The following FRS2 variants were observed in gnomAD, a reference collection of about 807,000 sequenced individuals.
FRS2 encodes the protein fibroblast growth factor receptor substrate 2.
A neutral mutation model predicts 43.9 loss-of-function variants in FRS2; 8 were observed. The observed-to-expected ratio is 0.18, with a 90% confidence interval of 0.11 to 0.33. The LOEUF is 0.33. FRS2 is among the 10% of genes least tolerant of loss of function. The probability of loss-of-function intolerance (pLI) is 1.00; values close to 1 mark genes in which losing one functional copy is unlikely to be tolerated. For missense variants in FRS2, 534 were observed against 627.6 expected (o/e 0.85, Z 1.59); for synonymous variants, 219 against 220.3 (o/e 0.99, Z 0.05).
chr12:69,574,529 TGAA>T lies in FRS2; in HGVS notation c.1104_1106del (p.Glu368del). On this transcript the variant is annotated inframe_deletion, in exon 9 of 9. Coordinates refer to ENST00000549921, the MANE Select transcript of FRS2 (RefSeq NM_001278356.2). Reference sequence around the variant, plus strand: ...GGGAAGCCCGCAAGCTAAGTAGGGATGAAGATGACAATTTAGGACCAAAGACCC... The same window carrying T: ...GGGAAGCCCGCAAGCTAAGTAGGGATGATGACAATTTAGGACCAAAGACCC... The T allele has an allele frequency of 6.2e-7, 1 of 1,614,134 alleles. No individual in the cohort carries two copies. The highest frequency in any genetic ancestry group is 1.3e-5 in the African/African-American group (1 of 75,024).
Position 69,574,695 on chromosome 12 carries a change from G to A in FRS2, c.1267G>A (p.Asp423Asn). ...RDCTPTVFNF[D>N]IRRPSLEHRQ... ...CTGTACACCAACAGTCTTTAACTTT[G>A]ATATCAGACGCCCAAGTTTAGAACA... Residue 423 changes from aspartate to asparagine, a missense_variant, in exon 9 of 9, where the codon GAT (aspartate) becomes AAT (asparagine). Asp to Asn is a conservative substitution (Grantham distance 23). Transcript: ENST00000549921. 6.2e-7 allele frequency: 1 copy of A among 1,614,166 alleles called. No homozygotes were observed. The highest frequency in any genetic ancestry group is 8.5e-7 in the Non-Finnish European group (1 of 1,180,022).
Position 69,577,700 on chromosome 12 carries a change from T to C in FRS2, c.*2745T>C, listed in dbSNP as rs1346820626. ...TTGTGTTTTTTCTTAGTGTGTTTTA[T>C]TTCCCAGTTTCATCTTCTTCTAAAA... is the stretch of plus-strand genomic sequence containing the variant. On this transcript the variant is annotated 3_prime_UTR_variant, in exon 9 of 9. Transcript: ENST00000549921. 6.6e-6 allele frequency: 1 copy of C among 152,640 alleles called. No homozygotes were observed. The highest frequency in any genetic ancestry group is 2.4e-5 in the African/African-American group (1 of 41,468). The allele number at this position is 152,640 out of a possible 1,614,324, so 9.5% of individuals were successfully genotyped here. A position where few individuals can be genotyped will look rare whatever the true frequency, so the allele number is the denominator to read the frequency against.
Position 69,547,830 on chromosome 12 carries a change from C to CTTTTT in FRS2, c.-121-14328_-121-14324dup, listed in dbSNP as rs71094722. Among the ~76,000 whole-genome samples the CTTTTT allele has an allele frequency of 1.4e-3, 139 of 102,744 alleles. 11 individuals carry two copies. Among genetic ancestry groups the CTTTTT allele is most frequent in the African/African-American group, 4.3e-3 (120 of 27,832 alleles). 67.4% of individuals were successfully genotyped at this position (102,744 alleles called of 152,430 possible). A position where few individuals can be genotyped will look rare whatever the true frequency, so the allele number is the denominator to read the frequency against. On this transcript the variant is annotated intron_variant, in intron 3 of 8. Transcript: ENST00000549921. ...TTTTAGAAAAATGTATCCATTAATA[C>CTTTTT]TTTTTTTTTTTTTTTTTTTTTTTTT...
intron 1 of FRS2, among the ~76,000 whole-genome samples, chr12:69,529,508 C>T (rs1876580844): frequency 6.6e-6 from 1 of 151,984 alleles, no homozygotes; most frequent in African/African-American, 2.4e-5. Flanking sequence ...CCTGTAATCC[C>T]AGCTACTCGG....
chr12:69,565,755 C>T (rs1237899993), intron 4 of FRS2, among the ~76,000 whole-genome samples: 1 of 152,068 alleles, frequency 6.6e-6, no homozygotes, highest in Non-Finnish European at 1.5e-5. Flanking sequence ...GAGCTGTCAT[C>T]TAGGAAAACT....
In FRS2 at chr12:69,506,681, A is replaced by G. The variant is rs933239816; in HGVS notation, c.-260-24184A>G. On this transcript the variant is annotated intron_variant, in intron 1 of 8. Transcript: ENST00000549921. ...TATCTTCCCCTTCTCTAAATTTACA[A>G]TTTCGTAGTTTACTTCTTAGTCATT... Among the ~76,000 whole-genome samples, 7 of 151,826 alleles carry G rather than the reference A, an allele frequency of 4.6e-5. No homozygotes were observed. The East Asian group carries it at 5.8e-4, about 13-fold the overall frequency.
At chr12:69,485,134 C>CACACACACACACACACAA in intron 1 of FRS2, among the ~76,000 whole-genome samples, 1 of 134,350 alleles carries the variant, frequency 7.4e-6, no homozygotes, top group South Asian at 2.6e-4. Flanking sequence ...CACACACACA[C>CACACACACACACACACAA]ACTCTCACCC....
chr12:69,539,857 A>G (rs999411929), intron 3 of FRS2, among the ~76,000 whole-genome samples: 3 of 152,180 alleles, frequency 2.0e-5, no homozygotes, highest in African/African-American at 7.2e-5. Context: ...CGGGAGGCTC[A>G]GGGAGGAGAA....
intron 1 of FRS2, among the ~76,000 whole-genome samples, chr12:69,493,331 G>A (rs954080946): frequency 6.6e-6 from 1 of 152,194 alleles, no homozygotes; most frequent in Non-Finnish European, 1.5e-5. Context: ...GTGGATGTCA[G>A]GGATTTGATA....
At chr12:69,530,069 A>G (rs1240824153) in intron 1 of FRS2, among the ~76,000 whole-genome samples, 1 of 152,094 alleles carries the variant, frequency 6.6e-6, no homozygotes, top group Admixed American at 6.6e-5. Flanking sequence ...AAAAAAAAAC[A>G]AAAACCAGTA....
At chr12:69,525,174 A>G (rs1203918987) in intron 1 of FRS2, among the ~76,000 whole-genome samples, 6 of 142,356 alleles carry the variant, frequency 4.2e-5, no homozygotes, top group African/African-American at 8.1e-5. Flanking sequence ...TCAAATCACA[A>G]TGTTAAGATG....
chr12:69,545,686 A>G (rs1372015697), intron 3 of FRS2, among the ~76,000 whole-genome samples: 2 of 140,792 alleles, frequency 1.4e-5, no homozygotes, highest in African/African-American at 5.1e-5. Flanking sequence ...AACCCAGGAG[A>G]TGGAGGTTGC....
At chr12:69,568,196 A>G (rs1880453068) in intron 4 of FRS2, among the ~76,000 whole-genome samples, 1 of 152,156 alleles carries the variant, frequency 6.6e-6, no homozygotes, top group Admixed American at 6.5e-5. Flanking sequence ...ATGCTATATC[A>G]GTTTTGCCAG....
rs771534631 is a variant in FRS2 at position 69,572,258 on chromosome 12, C to A, written c.553C>A (p.Pro185Thr). ...TTCAGTAGGGGAAGAATCTACACAT[C>A]CTTTGCTTGTGGCTGAGGAACAAGT... ...LPSVGEESTH[P>T]LLVAEEQVHT... Residue 185 changes from proline to threonine, a missense_variant, in exon 8 of 9, where the codon CCT (proline) becomes ACT (threonine). Pro to Thr is a conservative substitution (Grantham distance 38). Around this residue, in one of 3 missense-constraint regions of FRS2, gnomAD observed 446 missense variants for 494.2 expected, o/e 0.90. Transcript: ENST00000549921. 1 of 1,613,732 alleles carries A rather than the reference C, an allele frequency of 6.2e-7. No homozygotes were observed. Among genetic ancestry groups the A allele is most frequent in the South Asian group, 1.1e-5 (1 of 91,060 alleles).
intron 1 of FRS2, among the ~76,000 whole-genome samples, chr12:69,530,307 G>A (rs191079700): frequency 1.2e-4 from 18 of 150,576 alleles, no homozygotes; most frequent in East Asian, 5.8e-4. Context: ...ATGGCACTCC[G>A]GAGTTGCAAG....
At position 69,520,248 on chromosome 12, in the gene FRS2, TG is replaced by T. The variant is rs201421766; in HGVS notation, c.-260-10613del. Among the ~76,000 whole-genome samples the T allele has an allele frequency of 6.7e-3, 1,027 of 152,294 alleles. 7 individuals are homozygous for T. The highest frequency in any genetic ancestry group is 0.024 in the African/African-American group (987 of 41,562). On this transcript the variant is annotated intron_variant, in intron 1 of 8. Coordinates refer to ENST00000549921, the MANE Select transcript of FRS2 (RefSeq NM_001278356.2). ...TACGTGTCCTTTGCCCACTTTTTAATGGGGTTGCTTTTCTCTTGAAAATATG... is the reference window on the plus strand; with the variant it reads ...TACGTGTCCTTTGCCCACTTTTTAATGGGTTGCTTTTCTCTTGAAAATATG...
intron 1 of FRS2, among the ~76,000 whole-genome samples, chr12:69,470,856 G>T (rs61320244): frequency 0.052 from 7,945 of 152,194 alleles, 521 homozygotes; most frequent in East Asian, 0.36. Context: ...CCGCTCCCTA[G>T]TTTGGTATTC....
At chr12:69,508,322 AAG>A (rs1874147677) in intron 1 of FRS2, among the ~76,000 whole-genome samples, 1 of 152,206 alleles carries the variant, frequency 6.6e-6, no homozygotes, top group South Asian at 2.1e-4. Context: ...CTTAGGGAGA[AAG>A]AGAGAAAATA....
At chr12:69,526,072 G>A (rs1247994008) in intron 1 of FRS2, among the ~76,000 whole-genome samples, 2 of 152,022 alleles carry the variant, frequency 1.3e-5, no homozygotes, top group Admixed American at 1.3e-4. Context: ...TTATCAGCTG[G>A]TCTTCAACTC....
Sources: allele counts gnomAD v4.1 joint callset (sites outside exome capture counted in the v4.1 genomes callset), GRCh38; gene constraint gnomAD v4.1.1; regional missense constraint gnomAD v4.1.1; transcripts MANE v1.5; gene names NCBI Gene and HGNC (gene_info 2026-07-23, HGNC 2026-07-21).